Variants in ADH1B observed in about 807,000 individuals in gnomAD.
The protein encoded by ADH1B is all-trans-retinol dehydrogenase [NAD(+)] ADH1B.
ADH1B carries 29 observed loss-of-function variants against 34.6 expected under a neutral mutation model. The ratio of observed to expected loss-of-function variants is 0.84; its 90% CI spans 0.62 to 1.14. The LOEUF is 1.14. Ranked by LOEUF, ADH1B falls within the 50% of genes most tolerant of loss-of-function variation. The pLI is 0.00. For missense variants in ADH1B, 424 were observed against 468.4 expected, an observed-to-expected ratio of 0.91 and a Z score of 0.87; for synonymous variants, 170 against 175.5, an observed-to-expected ratio of 0.97 and a Z score of 0.25.
intron 3 of ADH1B, 57 bp from the exon 4 acceptor site, chr4:99,316,359 A>G: frequency 6.6e-7 from 1 of 1,519,074 alleles, no homozygotes; most frequent in Admixed American, 1.7e-5. Context: ...TAATAGAGCA[A>G]AGACTTAAAG....
At chr4:99,309,439 A>T (rs1257493627) in intron 8 of ADH1B, among the ~76,000 whole-genome samples, 1 of 152,192 alleles carries the variant, frequency 6.6e-6, no homozygotes, top group Non-Finnish European at 1.5e-5. Flanking sequence ...TTACATATGC[A>T]TATTACTATA....
At position 99,306,225 on chromosome 4, in the gene ADH1B, C is replaced by T. The variant is rs749013013; in HGVS notation, c.*1615G>A. On this transcript the variant is annotated 3_prime_UTR_variant, in exon 9 of 9. Coordinates refer to ENST00000305046, the MANE Select transcript of ADH1B (RefSeq NM_000668.6). ...TTCACCATGTTGACCAGGCTGGTCT[C>T]AAACTCCTGACCTCAGGTCATCCAC... is the stretch of plus-strand genomic sequence containing the variant. 4 of 152,180 alleles carry T rather than the reference C, an allele frequency of 2.6e-5. No individual in the cohort carries two copies. Among genetic ancestry groups the T allele is most frequent in the Non-Finnish European group, 5.9e-5 (4 of 68,096 alleles). The allele number at this position is 152,180 out of a possible 1,614,324, so 9.4% of individuals were successfully genotyped here.
chr4:99,317,896 G>A (rs1380768703), intron 3 of ADH1B, 150 bp downstream of exon 3: 4 of 1,328,798 alleles, frequency 3.0e-6, no homozygotes, highest in Non-Finnish European at 4.1e-6. Flanking sequence ...GGGTCAGGCA[G>A]GCAGAGAGGG....
intron 5 of ADH1B, chr4:99,315,612 T>G: frequency 2.1e-6 from 1 of 481,670 alleles, no homozygotes; most frequent in Non-Finnish European, 3.8e-6. Context: ...AATCGTTGAA[T>G]GAATTACTAA....
intron 8 of ADH1B, 92 bp downstream of exon 8, chr4:99,310,673 T>C (rs1425114157): frequency 6.7e-7 from 1 of 1,498,890 alleles, no homozygotes; most frequent in African/African-American, 1.4e-5. Flanking sequence ...AGGGACTCTA[T>C]ATTTTCTCAT....
At chr4:99,316,524 G>A in intron 3 of ADH1B, 1 of 568,874 alleles carries the variant, frequency 1.8e-6, no homozygotes. Context: ...GCAAATGTGG[G>A]AGACCACACA....
chr4:99,320,106 G>C (rs1211837062), intron 1 of ADH1B: 2 of 152,108 alleles, frequency 1.3e-5, no homozygotes, highest in Non-Finnish European at 2.9e-5. Context: ...ACACGGATAA[G>C]TTCTTTAGTG....
chr4:99,310,941 G>T, intron 7 of ADH1B, 38 bp from the exon 8 acceptor site: 1 of 1,596,378 alleles, frequency 6.3e-7, no homozygotes, highest in Non-Finnish European at 8.5e-7. Context: ...ATTCAGCTAG[G>T]GTAAGTAGGA....
intron 4 of ADH1B, 29 bp downstream of exon 4, chr4:99,316,186 T>C (rs765919126): frequency 1.9e-6 from 3 of 1,613,912 alleles, no homozygotes; most frequent in Admixed American, 3.3e-5. Context: ...AAACTCAAAG[T>C]CTGTGCAAAG....
At chr4:99,318,694 T>G (rs1733948101) in intron 2 of ADH1B, 91 bp downstream of exon 2, 1 of 1,173,224 alleles carries the variant, frequency 8.5e-7, no homozygotes, top group African/African-American at 1.6e-5. Flanking sequence ...ATATAAGATA[T>G]GCCTCTTAGT....
chr4:99,318,045 C>A lies in ADH1B; in HGVS notation c.259+1G>T. On this transcript the variant is annotated splice_donor_variant, in intron 3 of 8. Transcript: ENST00000305046. LOFTEE classifies it high-confidence loss of function. Reference sequence around the variant, plus strand: ...GTGTTCCCTGAGTGTGAATCCTGTACCTGGTTTGACTGTAGTCACCCCTTC... The same window carrying A: ...GTGTTCCCTGAGTGTGAATCCTGTAACTGGTTTGACTGTAGTCACCCCTTC... 1 of 1,613,940 alleles carries A rather than the reference C, an allele frequency of 6.2e-7. No homozygotes were observed. The highest frequency in any genetic ancestry group is 8.5e-7 in the Non-Finnish European group (1 of 1,179,964).
At chr4:99,318,617 T>A (rs1188380420) in intron 2 of ADH1B, 168 bp downstream of exon 2, 16 of 690,916 alleles carry the variant, frequency 2.3e-5, no homozygotes, top group Middle Eastern at 4.2e-4. Flanking sequence ...GATCATTTTT[T>A]AAAAATTTAA....
chr4:99,318,575 A>G, intron 2 of ADH1B: 5 of 554,156 alleles, frequency 9.0e-6, no homozygotes, highest in South Asian at 3.1e-5. Context: ...ATTCTTTTGT[A>G]TTTTACTGGA....
chr4:99,315,213 AC>A, intron 5 of ADH1B: 1 of 152,560 alleles, frequency 6.6e-6, no homozygotes, highest in East Asian at 1.9e-4. Context: ...ATATATCTGA[AC>A]CTCGGTTTCA....
At chr4:99,318,291 T>C in intron 2 of ADH1B, 107 bp from the exon 3 acceptor site, 1 of 1,440,056 alleles carries the variant, frequency 6.9e-7, no homozygotes. Context: ...TTGAGGGTTT[T>C]GCTACTAATC....
At chr4:99,310,418 T>G in intron 8 of ADH1B, 1 of 406,394 alleles carries the variant, frequency 2.5e-6, no homozygotes, top group South Asian at 1.8e-5. Context: ...AGGAAGAGGC[T>G]TCAAAGACAC....
intron 1 of ADH1B, chr4:99,320,603 T>C (rs374987570): frequency 1.4e-5 from 3 of 208,790 alleles, no homozygotes; most frequent in Non-Finnish European, 2.6e-5. Flanking sequence ...AAAAACCAAA[T>C]ATCTGTATTC....
intron 6 of ADH1B, among the ~76,000 whole-genome samples, chr4:99,312,484 C>T (rs1464346823): frequency 6.6e-6 from 1 of 152,176 alleles, no homozygotes; most frequent in South Asian, 2.1e-4. Context: ...ACCCACACTG[C>T]TGGACCTTCT....
At chr4:99,318,542 A>C in intron 2 of ADH1B, 2 of 514,158 alleles carry the variant, frequency 3.9e-6, no homozygotes, top group South Asian at 6.3e-5. Flanking sequence ...TATCCTTTGG[A>C]ATTTTTTTCT....
Sources: gnomAD v4.1 joint callset for allele counts (sites outside exome capture counted in the v4.1 genomes callset) on GRCh38, gnomAD v4.1.1 for gene constraint, MANE v1.5 for transcripts, NCBI Gene and HGNC (gene_info 2026-07-23, HGNC 2026-07-21) for gene names.